Variants in ADCY2 observed in about 807,000 individuals in gnomAD.
The protein encoded by ADCY2 is adenylate cyclase 2.
A neutral mutation model predicts 125.2 loss-of-function variants in ADCY2; 31 were observed. That is an observed-to-expected ratio of 0.25 (90% confidence interval 0.19 to 0.33). ADCY2 has a LOEUF of 0.33. ADCY2 is among the 10% of genes least tolerant of loss of function. ADCY2 has a pLI of 1.00. For missense variants in ADCY2, 904 were observed against 1,418.2 expected (o/e 0.64, Z 5.82); for synonymous variants, 512 against 548.4 (o/e 0.93, Z 0.93).
chr5:7,601,868 G>A (rs941779895), intron 3 of ADCY2, among the ~76,000 whole-genome samples: 1 of 152,168 alleles, frequency 6.6e-6, no homozygotes, highest in African/African-American at 2.4e-5. Context: ...CAAACTTGGT[G>A]ACTTACAACG....
At chr5:7,747,133 C>T (rs1007077466) in intron 15 of ADCY2, among the ~76,000 whole-genome samples, 16 of 152,186 alleles carry the variant, frequency 1.1e-4, no homozygotes, top group Admixed American at 2.0e-4. Flanking sequence ...CCCCTTCACT[C>T]CCACCCGAGG....
intron 2 of ADCY2, among the ~76,000 whole-genome samples, chr5:7,445,129 G>T (rs1741192821): frequency 6.6e-6 from 1 of 152,210 alleles, no homozygotes; most frequent in South Asian, 2.1e-4. Flanking sequence ...CTTATAGTGT[G>T]TTTGGAGACA....
chr5:7,738,819 C>T (rs1294988654), intron 14 of ADCY2, among the ~76,000 whole-genome samples: 6 of 151,714 alleles, frequency 4.0e-5, no homozygotes, highest in Non-Finnish European at 8.9e-5. Context: ...GGTCATTTCA[C>T]CAGGAGGCGT....
At chr5:7,509,941 G>A (rs1450271537) in intron 2 of ADCY2, among the ~76,000 whole-genome samples, 1 of 152,132 alleles carries the variant, frequency 6.6e-6, no homozygotes, top group Non-Finnish European at 1.5e-5. Context: ...AGATGGTCAG[G>A]TATTGAATAA....
At chr5:7,727,656 A>G (rs1446472064) in intron 14 of ADCY2, among the ~76,000 whole-genome samples, 2 of 152,074 alleles carry the variant, frequency 1.3e-5, no homozygotes, top group East Asian at 1.9e-4. Flanking sequence ...ACCTTTCACT[A>G]TAAGACACAC....
At chr5:7,456,315 T>C (rs1741667458) in intron 2 of ADCY2, among the ~76,000 whole-genome samples, 2 of 152,188 alleles carry the variant, frequency 1.3e-5, no homozygotes, top group Admixed American at 6.5e-5. Context: ...AGGGATTCAG[T>C]GTTCAGTGAT....
chr5:7,766,630 T>C, intron 16 of ADCY2, 57 bp from the exon 17 acceptor site: 1 of 1,583,852 alleles, frequency 6.3e-7, no homozygotes, highest in East Asian at 2.3e-5. Flanking sequence ...AGCACCCACC[T>C]GCTAGTTATT....
intron 22 of ADCY2, among the ~76,000 whole-genome samples, chr5:7,813,048 T>C (rs1471414784): frequency 1.3e-5 from 2 of 152,268 alleles, no homozygotes; most frequent in Non-Finnish European, 2.9e-5. Flanking sequence ...TATTTTTGCC[T>C]GATGCAGGCA....
At chr5:7,445,594 C>G (rs1325664160) in intron 2 of ADCY2, among the ~76,000 whole-genome samples, 1 of 152,132 alleles carries the variant, frequency 6.6e-6, no homozygotes, top group African/African-American at 2.4e-5. Flanking sequence ...ACTTTGTGAT[C>G]TCATCCAAAA....
At chr5:7,807,667 G>A (rs984455806) in intron 22 of ADCY2, among the ~76,000 whole-genome samples, 44 of 152,120 alleles carry the variant, frequency 2.9e-4, no homozygotes, top group African/African-American at 8.4e-4. Context: ...ACCTCTATCC[G>A]CTATCTTGAC....
At chr5:7,408,585 C>G (rs896096239) in intron 1 of ADCY2, among the ~76,000 whole-genome samples, 6 of 151,640 alleles carry the variant, frequency 4.0e-5, no homozygotes, top group Non-Finnish European at 5.9e-5. Context: ...CCAGCCTGGG[C>G]TCGAACTCCT....
At chr5:7,789,481 C>T (rs1366120065) in intron 19 of ADCY2, among the ~76,000 whole-genome samples, 161 bp from the exon 20 acceptor site, 2 of 152,144 alleles carry the variant, frequency 1.3e-5, no homozygotes, top group Non-Finnish European at 2.9e-5. Flanking sequence ...GACTGAAGGA[C>T]ATTTCAGGGA....
chr5:7,795,576 G>A (rs1278039761), intron 20 of ADCY2: 1 of 152,288 alleles, frequency 6.6e-6, no homozygotes, highest in African/African-American at 2.4e-5. Context: ...ATGGGAGCAG[G>A]CCCTCAGCCC....
chr5:7,414,150 G>A (rs1739842965), intron 1 of ADCY2, among the ~76,000 whole-genome samples: 1 of 152,148 alleles, frequency 6.6e-6, no homozygotes, highest in Admixed American at 6.5e-5. Context: ...AATTTTGAAA[G>A]AAGTTTTTTA....
intron 22 of ADCY2, among the ~76,000 whole-genome samples, chr5:7,805,946 G>A (rs1252529020): frequency 6.6e-6 from 1 of 152,080 alleles, no homozygotes. Flanking sequence ...TAATGAGTAT[G>A]CATTACTTCA....
chr5:7,497,074 A>G (rs930860837), intron 2 of ADCY2, among the ~76,000 whole-genome samples: 4 of 152,206 alleles, frequency 2.6e-5, no homozygotes, highest in African/African-American at 7.2e-5. Flanking sequence ...GAAGCTATCA[A>G]TGCATCCAAA....
chr5:7,665,875 G>A (rs1739698871), intron 4 of ADCY2, among the ~76,000 whole-genome samples: 2 of 97,930 alleles, frequency 2.0e-5, no homozygotes, highest in South Asian at 7.7e-4. Flanking sequence ...ATCTCGCTCT[G>A]TAGCCCAGGC....
At chr5:7,493,467 C>T (rs1743238772) in intron 2 of ADCY2, among the ~76,000 whole-genome samples, 1 of 152,096 alleles carries the variant, frequency 6.6e-6, no homozygotes, top group South Asian at 2.1e-4. Context: ...TGTTTTTAAA[C>T]TGTAAGGATC....
At chr5:7,498,341 C>A (rs1743421368) in intron 2 of ADCY2, among the ~76,000 whole-genome samples, 1 of 150,248 alleles carries the variant, frequency 6.7e-6, no homozygotes, top group Non-Finnish European at 1.5e-5. Flanking sequence ...CTCCACCTCC[C>A]AGGTTCACGC....
Sources: gnomAD v4.1 joint callset for allele counts (sites outside exome capture counted in the v4.1 genomes callset) on GRCh38, gnomAD v4.1.1 for gene constraint, MANE v1.5 for transcripts, NCBI Gene and HGNC (gene_info 2026-07-23, HGNC 2026-07-21) for gene names.